CSMD1: variants seen among roughly 807,000 people sequenced by gnomAD.
CSMD1 encodes CUB and sushi domain-containing protein 1.
Under a neutral mutation model 417.5 loss-of-function variants are expected in CSMD1, and 213 were observed. The observed-to-expected ratio is 0.51, with a 90% CI of 0.46 to 0.57. The LOEUF (loss-of-function observed/expected upper bound fraction) is 0.57. Among genes scored for constraint, CSMD1 ranks in the 20% least tolerant of loss-of-function variants. The probability of loss-of-function intolerance (pLI) is 0.00; values close to 1 mark genes in which losing one functional copy is unlikely to be tolerated. For synonymous variants in CSMD1, 2,862 were observed against 1,736.8 expected, an observed-to-expected ratio of 1.65 and a Z score of -16.11; for missense variants, 6,923 against 4,529.7, an observed-to-expected ratio of 1.53 and a Z score of -15.17.
intron 10 of CSMD1, among the ~76,000 whole-genome samples, chr8:3,547,189 A>C (rs918267025): frequency 2.0e-5 from 3 of 152,220 alleles, no homozygotes; most frequent in Non-Finnish European, 4.4e-5. Flanking sequence ...CTTACACAAG[A>C]AAACAGGGCC....
chr8:4,868,948 A>T (rs28374235), intron 1 of CSMD1, among the ~76,000 whole-genome samples: 8,825 of 152,094 alleles, frequency 0.058, 835 homozygotes, highest in African/African-American at 0.19. Context: ...GGTATAGATT[A>T]TACCTATATA....
intron 3 of CSMD1, among the ~76,000 whole-genome samples, chr8:4,161,467 C>T (rs1012780387): frequency 6.6e-6 from 1 of 152,162 alleles, no homozygotes; most frequent in Non-Finnish European, 1.5e-5. Context: ...GAATGGCTTA[C>T]TCAAGGTCAT....
intron 1 of CSMD1, among the ~76,000 whole-genome samples, chr8:4,903,240 C>A (rs921894939): frequency 1.3e-5 from 2 of 152,118 alleles, no homozygotes; most frequent in Admixed American, 1.3e-4. Flanking sequence ...CACTTACAGC[C>A]AGACTTAGTG....
intron 17 of CSMD1, among the ~76,000 whole-genome samples, chr8:3,395,898 G>A (rs1811661268): frequency 6.6e-6 from 1 of 152,012 alleles, no homozygotes; most frequent in African/African-American, 2.4e-5. Flanking sequence ...TCTAATAATA[G>A]AAGTATATTA....
At chr8:4,330,954 C>G (rs1799836831) in intron 3 of CSMD1, among the ~76,000 whole-genome samples, 1 of 152,108 alleles carries the variant, frequency 6.6e-6, no homozygotes, top group Admixed American at 6.6e-5. Flanking sequence ...ATTTTTATAA[C>G]TAAATGCAAG....
chr8:3,284,262 C>G lies in CSMD1; in HGVS notation c.4035G>C (p.Leu1345=). Reference sequence around the variant, plus strand: ...GAAGGGCGGAGCCACTCCACTCCTTCAGCAGGATGTCACTGTCCACCGGCC... The same window carrying G: ...GAAGGGCGGAGCCACTCCACTCCTTGAGCAGGATGTCACTGTCCACCGGCC... ...WDGPVDSDIL[L]KEWSGSALPE... The change falls in exon 26 of 70, where the codon CTG becomes CTC. Residue 1345 remains leucine (L), a synonymous_variant. Transcript: ENST00000635120. 1 of 1,613,926 alleles carries G rather than the reference C, an allele frequency of 6.2e-7. No homozygotes were observed. Among genetic ancestry groups the G allele is most frequent in the Non-Finnish European group, 8.5e-7 (1 of 1,179,860 alleles).
chr8:4,856,670 G>C (rs879447461), intron 1 of CSMD1, among the ~76,000 whole-genome samples: 10 of 148,564 alleles, frequency 6.7e-5, no homozygotes, highest in Non-Finnish European at 1.5e-4. Flanking sequence ...AGACAAAGAA[G>C]GCCATTACAT....
chr8:3,840,774 C>T (rs1803084730), intron 5 of CSMD1, among the ~76,000 whole-genome samples: 1 of 149,468 alleles, frequency 6.7e-6, no homozygotes, highest in Non-Finnish European at 1.5e-5. Context: ...CAGTTCACTG[C>T]AACGTCCGCC....
chr8:3,598,540 G>T (rs1296248877), intron 8 of CSMD1, among the ~76,000 whole-genome samples: 1 of 152,122 alleles, frequency 6.6e-6, no homozygotes, highest in Non-Finnish European at 1.5e-5. Flanking sequence ...CGTCTCCCCT[G>T]AGCCTTCCTC....
chr8:3,804,297 T>A (rs1035037325), intron 5 of CSMD1, among the ~76,000 whole-genome samples: 2 of 152,148 alleles, frequency 1.3e-5, no homozygotes, highest in Admixed American at 1.3e-4. Flanking sequence ...CTAAAATAAA[T>A]AATTTTTTTT....
chr8:3,453,143 T>A (rs1815860333), intron 12 of CSMD1, among the ~76,000 whole-genome samples: 1 of 152,206 alleles, frequency 6.6e-6, no homozygotes, highest in East Asian at 1.9e-4. Flanking sequence ...AGTTTGTATT[T>A]CCATGGGATT....
At chr8:4,051,436 C>T (rs75657411) in intron 3 of CSMD1, among the ~76,000 whole-genome samples, 138 of 152,090 alleles carry the variant, frequency 9.1e-4, no homozygotes, top group African/African-American at 2.8e-3. Flanking sequence ...AGGTTGAAAA[C>T]GCTTTGGCAG....
chr8:3,983,048 T>A (rs979247695), intron 5 of CSMD1, among the ~76,000 whole-genome samples: 4 of 151,742 alleles, frequency 2.6e-5, no homozygotes, highest in African/African-American at 4.8e-5. Flanking sequence ...GGGATCCCAA[T>A]CCAAGTTGGC....
At chr8:3,543,183 A>C (rs886067166) in intron 10 of CSMD1, among the ~76,000 whole-genome samples, 77 of 152,294 alleles carry the variant, frequency 5.1e-4, no homozygotes, top group African/African-American at 1.7e-3. Flanking sequence ...GGCATGCTTG[A>C]TGCTTTTGAG....
At chr8:4,812,922 C>T (rs185666764) in intron 1 of CSMD1, among the ~76,000 whole-genome samples, 1 of 152,260 alleles carries the variant, frequency 6.6e-6, no homozygotes, top group East Asian at 1.9e-4. Flanking sequence ...TTTATAGCAA[C>T]ACTAAATCAT....
chr8:3,925,010 A>G (rs1188831426), intron 5 of CSMD1, among the ~76,000 whole-genome samples: 2 of 152,072 alleles, frequency 1.3e-5, no homozygotes, highest in Admixed American at 6.6e-5. Flanking sequence ...CTGGTAAGAG[A>G]AAGACTTTAA....
chr8:4,441,590 C>G (rs988288131), intron 2 of CSMD1, among the ~76,000 whole-genome samples: 1 of 151,998 alleles, frequency 6.6e-6, no homozygotes, highest in African/African-American at 2.4e-5. Flanking sequence ...ATTTTATGTT[C>G]AATACATTTG....
intron 8 of CSMD1, among the ~76,000 whole-genome samples, chr8:3,608,665 G>T (rs1472128216): frequency 6.6e-6 from 1 of 151,658 alleles, no homozygotes; most frequent in African/African-American, 2.4e-5. Context: ...TCAGGAGGCT[G>T]AGGCAGGAGA....
intron 14 of CSMD1, 84 bp downstream of exon 14, chr8:3,407,815 T>C: frequency 1.7e-6 from 2 of 1,173,196 alleles, no homozygotes; most frequent in Non-Finnish European, 2.4e-6. Context: ...AACCTTGAAA[T>C]GCAACTTCAC....
Sources: allele counts gnomAD v4.1 joint callset (sites outside exome capture counted in the v4.1 genomes callset), GRCh38; gene constraint gnomAD v4.1.1; transcripts MANE v1.5; gene names NCBI Gene and HGNC (gene_info 2026-07-23, HGNC 2026-07-21).